ERG: variants seen among roughly 807,000 people sequenced by gnomAD.
ERG encodes the protein transcriptional regulator ERG.
Under a neutral mutation model 55.3 loss-of-function variants are expected in ERG, and 9 were observed. The observed-to-expected ratio is 0.16, with a 90% CI of 0.10 to 0.28. The LOEUF (loss-of-function observed/expected upper bound fraction) is 0.28, where lower values mean the gene tolerates loss of function less well. Ranked by LOEUF, ERG falls within the 10% of genes least tolerant of loss-of-function variation. The pLI is 1.00. For missense variants in ERG, 434 were observed against 631.6 expected, an observed-to-expected ratio of 0.69 and a Z score of 3.35; for synonymous variants, 223 against 237.3, an observed-to-expected ratio of 0.94 and a Z score of 0.55.
At chr21:38,429,390 CACATAT>C (rs1990013402) in intron 2 of ERG, among the ~76,000 whole-genome samples, 1 of 30,792 alleles carries the variant, frequency 3.2e-5, no homozygotes, top group Non-Finnish European at 1.3e-4. Context: ...TATATATGTA[CACATAT>C]ACACATGTAC....
At chr21:38,376,818 G>A (rs1403711349), downstream of ERG, among the ~76,000 whole-genome samples, 3 of 152,226 alleles carry the variant, frequency 2.0e-5, no homozygotes, top group East Asian at 3.9e-4. Context: ...CCTGCAGCAC[G>A]TATCCTGTGT....
chr21:38,390,221 G>A (rs1220414092), intron 9 of ERG, among the ~76,000 whole-genome samples: 3 of 152,178 alleles, frequency 2.0e-5, no homozygotes, highest in Non-Finnish European at 4.4e-5. Context: ...CAATGCACTG[G>A]TTACAAATGG....
At chr21:38,375,041 G>A (rs1041376204), downstream of ERG, among the ~76,000 whole-genome samples, 1 of 152,052 alleles carries the variant, frequency 6.6e-6, no homozygotes, top group African/African-American at 2.4e-5. Context: ...ATGAGTATGA[G>A]TATCCTCATA....
At chr21:38,556,725 T>TG (rs886487641) in intron 2 of ERG, among the ~76,000 whole-genome samples, 1 of 151,944 alleles carries the variant, frequency 6.6e-6, no homozygotes, top group Admixed American at 6.6e-5. Flanking sequence ...GGACACAGAG[T>TG]GGGGGGAAGG....
chr21:38,573,292 C>G (rs949251712), intron 2 of ERG, among the ~76,000 whole-genome samples: 1 of 152,186 alleles, frequency 6.6e-6, no homozygotes, highest in Admixed American at 6.5e-5. Context: ...GTCCCCCAGC[C>G]CGACACCCGT....
At chr21:38,570,525 C>A (rs1031114471) in intron 2 of ERG, among the ~76,000 whole-genome samples, 1 of 152,158 alleles carries the variant, frequency 6.6e-6, no homozygotes, top group South Asian at 2.1e-4. Flanking sequence ...GGGTACGCCA[C>A]CCTCATTTTA....
At chr21:38,535,189 A>G (rs1427198306) in intron 2 of ERG, among the ~76,000 whole-genome samples, 1 of 152,154 alleles carries the variant, frequency 6.6e-6, no homozygotes. Flanking sequence ...ACAAAAAGAC[A>G]AACAGTGTAT....
intron 1 of ERG, among the ~76,000 whole-genome samples, chr21:38,466,834 A>G (rs2059095474): frequency 1.3e-5 from 2 of 152,170 alleles, no homozygotes; most frequent in South Asian, 4.1e-4. Context: ...ATACAAACTG[A>G]AAAACAGGGT....
rs187161857 is a variant in ERG, at chr21:38,400,757, C to T, written c.674-112G>A. The T allele has an allele frequency of 5.5e-4, 405 of 740,980 alleles. No individual in the cohort carries two copies. The African/African-American group carries it at 6.1e-3, about 11-fold the overall frequency. The allele number at this position is 740,980 out of a possible 1,614,324, so 45.9% of individuals were successfully genotyped here. A position where few individuals can be genotyped will look rare whatever the true frequency, so the allele number is the denominator to read the frequency against. ...TGACAACAAAGGGAAGAGACCTCCT[C>T]AAACCTGCCTTAACAGAGCTCCGGA... is the stretch of plus-strand genomic sequence containing the variant. On this transcript the variant is annotated intron_variant, in intron 5 of 9. Coordinates refer to ENST00000288319, the MANE Select transcript of ERG (RefSeq NM_182918.4).
intron 2 of ERG, among the ~76,000 whole-genome samples, chr21:38,550,105 G>A (rs190273658): frequency 1.2e-4 from 19 of 152,282 alleles, no homozygotes; most frequent in East Asian, 7.7e-4. Context: ...TTCTACGCCC[G>A]GTGGTGGGGT....
intron 2 of ERG, among the ~76,000 whole-genome samples, chr21:38,547,451 A>G (rs188447113): frequency 1.3e-5 from 2 of 152,318 alleles, no homozygotes; most frequent in East Asian, 3.9e-4. Context: ...TCACAAGACA[A>G]GAGGGAACGC....
At chr21:38,457,759 G>A (rs776131508) in intron 1 of ERG, among the ~76,000 whole-genome samples, 25 of 152,180 alleles carry the variant, frequency 1.6e-4, no homozygotes, top group Admixed American at 3.3e-4. Context: ...GGTGAGTAGT[G>A]GACATCTGAC....
chr21:38,424,124 T>C (rs1283879948), intron 2 of ERG, among the ~76,000 whole-genome samples: 1 of 151,432 alleles, frequency 6.6e-6, no homozygotes, highest in Non-Finnish European at 1.5e-5. Flanking sequence ...GATGAGGTCA[T>C]GAGGGTAGAG....
chr21:38,475,427 A>G (rs539585314), intron 1 of ERG, among the ~76,000 whole-genome samples: 4 of 152,288 alleles, frequency 2.6e-5, no homozygotes, highest in African/African-American at 9.6e-5. Context: ...CAATCAAAGC[A>G]GATGGACCCT....
At chr21:38,629,093 A>T (rs183496449) in intron 1 of ERG, among the ~76,000 whole-genome samples, 100 of 152,338 alleles carry the variant, frequency 6.6e-4, no homozygotes, top group African/African-American at 2.3e-3. Flanking sequence ...AGAGTCCTGC[A>T]GCCCCTGGAC....
chr21:38,403,509 C>T lies in ERG; in HGVS notation c.589G>A (p.Glu197Lys), dbSNP rs1425323523. 1.2e-6 allele frequency: 2 copies of T among 1,614,092 alleles called. No individual in the cohort carries two copies. Among genetic ancestry groups the T allele is most frequent in the Non-Finnish European group, 1.7e-6 (2 of 1,179,980 alleles). ...CTTGGAGGAAGGGGGAGCTTACTCT[C>T]TCTGAGGTAGTGGAGATGTGAGAGA... ...ILLSHLHYLRETPLPHLTSDD... is the reference protein window; with the variant it reads ...ILLSHLHYLRKTPLPHLTSDD... The change falls in exon 4 of 10, where the codon GAG becomes AAG. Residue 197 changes from glutamate to lysine, a missense_variant. Coordinates refer to ENST00000288319, the MANE Select transcript of ERG (RefSeq NM_182918.4).
Position 38,559,636 on chromosome 21 carries a change from C to A in ERG, c.-41+16026G>T, listed in dbSNP as rs919520821. 3.3e-5 allele frequency among the ~76,000 whole-genome samples: 5 copies of A among 152,114 alleles called. No individual in the cohort carries two copies. The South Asian group carries it at 8.3e-4, about 25-fold the overall frequency. On this transcript the variant is annotated intron_variant, in intron 2 of 8. Coordinates refer to the ERG transcript ENST00000398897. ...AATGGTTTATCTAAAGGTCTAAGCC[C>A]AAGAAACATCCAACAATAAAATTAA...
intron 1 of ERG, among the ~76,000 whole-genome samples, chr21:38,606,930 C>T (rs2060199911): frequency 6.6e-6 from 1 of 151,918 alleles, no homozygotes; most frequent in South Asian, 2.1e-4. Flanking sequence ...AATGAGACTT[C>T]AGATTTTTTT....
the ERG span, among the ~76,000 whole-genome samples, chr21:38,368,417 T>C: frequency 1.3e-5 from 2 of 152,328 alleles, no homozygotes; most frequent in East Asian, 3.9e-4. Flanking sequence ...ATAAACTCCA[T>C]TATGTGGATA....
Sources: allele counts gnomAD v4.1 joint callset (sites outside exome capture counted in the v4.1 genomes callset), GRCh38; gene constraint gnomAD v4.1.1; transcripts MANE v1.5; gene names NCBI Gene and HGNC (gene_info 2026-07-23, HGNC 2026-07-21).